The following EEFSEC variants were observed in gnomAD, a reference collection of about 807,000 sequenced individuals.
The protein encoded by EEFSEC is eukaryotic elongation factor, selenocysteine-tRNA specific.
In EEFSEC, 43 loss-of-function variants were observed where a neutral mutation model predicts 42.1. The observed-to-expected ratio is 1.02, with a 90% CI of 0.80 to 1.32. The LOEUF (loss-of-function observed/expected upper bound fraction) is 1.32. Among genes scored for constraint, EEFSEC ranks in the 40% most tolerant of loss-of-function variants. The pLI, the probability that EEFSEC is intolerant of heterozygous loss-of-function variation, is 0.00. For missense variants in EEFSEC, 745 were observed against 803.6 expected (o/e 0.93, Z 0.88); for synonymous variants, 354 against 339.1 (o/e 1.04, Z -0.48).
intron 6 of EEFSEC, among the ~76,000 whole-genome samples, chr3:128,388,721 C>T (rs561051768): frequency 4.2e-4 from 64 of 152,380 alleles, no homozygotes; most frequent in African/African-American, 1.5e-3. Flanking sequence ...TCAGTGGTGC[C>T]GGCCAGAGCG....
intron 1 of EEFSEC, among the ~76,000 whole-genome samples, chr3:128,244,977 T>G (rs559999283): frequency 2.2e-4 from 34 of 152,346 alleles, no homozygotes; most frequent in African/African-American, 6.0e-4. Flanking sequence ...ACCTGTCCCC[T>G]GCTGATGGAC....
At chr3:128,424,083 A>G in the EEFSEC span, among the ~76,000 whole-genome samples, 2 of 152,082 alleles carry the variant, frequency 1.3e-5, no homozygotes. Context: ...GCACACACGC[A>G]CACTTCCTGG....
chr3:128,321,880 G>A (rs2067011844), intron 4 of EEFSEC, among the ~76,000 whole-genome samples: 1 of 152,218 alleles, frequency 6.6e-6, no homozygotes, highest in South Asian at 2.1e-4. Flanking sequence ...TGAGAAGACA[G>A]CAGGGGTTTA....
chr3:128,359,398 T>C (rs2067498143), intron 6 of EEFSEC, among the ~76,000 whole-genome samples: 1 of 152,142 alleles, frequency 6.6e-6, no homozygotes, highest in African/African-American at 2.4e-5. Context: ...ATCTTTTTTT[T>C]AGAGAAAGGG....
At chr3:128,167,466 A>AT (rs1412778566) in intron 1 of EEFSEC, among the ~76,000 whole-genome samples, 3 of 151,908 alleles carry the variant, frequency 2.0e-5, no homozygotes, top group African/African-American at 7.3e-5. Flanking sequence ...AACTGGCCAA[A>AT]TAGAGTTCAA....
intron 1 of EEFSEC, among the ~76,000 whole-genome samples, chr3:128,233,128 C>G (rs1402945732): frequency 6.6e-6 from 1 of 152,198 alleles, no homozygotes; most frequent in Non-Finnish European, 1.5e-5. Flanking sequence ...GATTTAGTGC[C>G]AGCACACCTT....
chr3:128,156,613 A>G (rs899267440), intron 1 of EEFSEC, among the ~76,000 whole-genome samples: 4 of 152,264 alleles, frequency 2.6e-5, no homozygotes, highest in Non-Finnish European at 5.9e-5. Flanking sequence ...ATCAAATATT[A>G]AGCATCAAAC....
chr3:128,300,128 A>G (rs2066751098), intron 4 of EEFSEC, among the ~76,000 whole-genome samples: 2 of 152,184 alleles, frequency 1.3e-5, no homozygotes, highest in South Asian at 4.1e-4. Context: ...GGTGTGCTAG[A>G]ACTGGCCTAG....
At chr3:128,392,738 C>T (rs2067930172) in intron 6 of EEFSEC, among the ~76,000 whole-genome samples, 1 of 152,236 alleles carries the variant, frequency 6.6e-6, no homozygotes, top group Non-Finnish European at 1.5e-5. Flanking sequence ...CCTGAGCCTA[C>T]TTGTGCCCAC....
chr3:128,246,281 T>C (rs1001553501), intron 1 of EEFSEC, among the ~76,000 whole-genome samples: 2 of 152,082 alleles, frequency 1.3e-5, no homozygotes, highest in Admixed American at 1.3e-4. Context: ...TTAGCGATTA[T>C]GACACAGAAC....
chr3:128,421,573 C>T, the EEFSEC span, among the ~76,000 whole-genome samples: 1 of 151,974 alleles, frequency 6.6e-6, no homozygotes, highest in African/African-American at 2.4e-5. Flanking sequence ...TAGTTGTGAA[C>T]ACCTGGAGCT....
chr3:128,184,519 A>G (rs1336559525), intron 1 of EEFSEC, among the ~76,000 whole-genome samples: 1 of 152,228 alleles, frequency 6.6e-6, no homozygotes, highest in Non-Finnish European at 1.5e-5. Context: ...TTAAGGCTGA[A>G]TAATATTCCT....
At position 128,153,652 on chromosome 3, in the gene EEFSEC, C is replaced by T; in HGVS notation, c.145C>T (p.Leu49Phe). ...GCAGAGCCGCGAGCGCGGCATCACGCTCGATCTGGGCTTCTCGTGCTTCTC... is the reference window on the plus strand; with the variant it reads ...GCAGAGCCGCGAGCGCGGCATCACGTTCGATCTGGGCTTCTCGTGCTTCTC... ...QPQSRERGIT[L>F]DLGFSCFSVP... The change falls in exon 1 of 7, where the codon CTC becomes TTC. Residue 49 changes from leucine to phenylalanine, a missense_variant. Physicochemically the swap from Leu to Phe is conservative, Grantham distance 22. Coordinates refer to ENST00000254730, the MANE Select transcript of EEFSEC (RefSeq NM_021937.5). 6.3e-7 allele frequency: 1 copy of T among 1,598,806 alleles called. No individual in the cohort carries two copies. Among genetic ancestry groups the T allele is most frequent in the Non-Finnish European group, 8.5e-7 (1 of 1,178,228 alleles).
downstream of EEFSEC, among the ~76,000 whole-genome samples, chr3:128,413,328 TGTGCTGGG>T (rs1413560412): frequency 3.3e-5 from 5 of 152,192 alleles, no homozygotes; most frequent in Non-Finnish European, 7.4e-5. Context: ...GCCCTGCCAC[TGTGCTGGG>T]GCACCAGTGG....
chr3:128,285,499 G>A (rs2066574378), intron 4 of EEFSEC, among the ~76,000 whole-genome samples: 1 of 152,102 alleles, frequency 6.6e-6, no homozygotes, highest in Non-Finnish European at 1.5e-5. Context: ...GTAGAGGGGA[G>A]TGAGGAGGGC....
At chr3:128,161,104 T>C (rs180722050) in intron 1 of EEFSEC, among the ~76,000 whole-genome samples, 2 of 152,332 alleles carry the variant, frequency 1.3e-5, no homozygotes, top group East Asian at 3.9e-4. Flanking sequence ...CATATTGATC[T>C]GACTGCACAG....
intron 4 of EEFSEC, among the ~76,000 whole-genome samples, chr3:128,298,001 G>A (rs2066727154): frequency 6.6e-6 from 1 of 152,194 alleles, no homozygotes; most frequent in Admixed American, 6.5e-5. Flanking sequence ...CATCACATGT[G>A]CCCTCAGGCA....
At chr3:128,349,263 G>A (rs535901797) in intron 5 of EEFSEC, among the ~76,000 whole-genome samples, 5 of 152,222 alleles carry the variant, frequency 3.3e-5, no homozygotes, top group East Asian at 1.9e-4. Flanking sequence ...GGGCTATGGG[G>A]GGTGTTCTAG....
intron 1 of EEFSEC, among the ~76,000 whole-genome samples, chr3:128,214,243 A>T (rs2065787591): frequency 6.6e-6 from 1 of 152,234 alleles, no homozygotes; most frequent in African/African-American, 2.4e-5. Context: ...GAACGAGAAC[A>T]TGCAGGAATG....
Sources: gnomAD v4.1 joint callset for allele counts (sites outside exome capture counted in the v4.1 genomes callset) on GRCh38, gnomAD v4.1.1 for gene constraint, MANE v1.5 for transcripts, NCBI Gene and HGNC (gene_info 2026-07-23, HGNC 2026-07-21) for gene names.